The following PRDM1 variants were observed in gnomAD, a reference collection of about 807,000 sequenced individuals.
PRDM1 encodes the protein PR/SET domain 1, also known as PR domain zinc finger protein 1.
A neutral mutation model predicts 62.8 loss-of-function variants in PRDM1; 13 were observed. The ratio of observed to expected loss-of-function variants is 0.21; its 90% CI spans 0.13 to 0.33. The LOEUF (loss-of-function observed/expected upper bound fraction) is 0.33. PRDM1 is among the 10% of genes least tolerant of loss of function. PRDM1 has a pLI of 1.00. For missense variants in PRDM1, 895 were observed against 1,058.8 expected, an observed-to-expected ratio of 0.85 and a Z score of 2.15; for synonymous variants, 396 against 417.6, an observed-to-expected ratio of 0.95 and a Z score of 0.63.
intron 1 of PRDM1, among the ~76,000 whole-genome samples, chr6:106,051,606 G>A (rs1383135629): frequency 6.6e-6 from 1 of 152,188 alleles, no homozygotes; most frequent in Admixed American, 6.5e-5. Flanking sequence ...GTGCCGCAAA[G>A]GATTGCTTAG....
chr6:106,007,315 A>G (rs930397959), intron 1 of PRDM1, among the ~76,000 whole-genome samples: 1 of 151,906 alleles, frequency 6.6e-6, no homozygotes, highest in Non-Finnish European at 1.5e-5. Context: ...CTGTAATCCC[A>G]GCTACTCAGG....
intron 1 of PRDM1, among the ~76,000 whole-genome samples, chr6:106,052,490 G>A (rs1036691518): frequency 2.0e-5 from 3 of 151,994 alleles, no homozygotes; most frequent in East Asian, 3.8e-4. Context: ...CTATCAACTT[G>A]CTGTTAATAA....
intron 1 of PRDM1, among the ~76,000 whole-genome samples, chr6:106,027,770 A>G (rs1362917413): frequency 6.6e-6 from 1 of 152,180 alleles, no homozygotes; most frequent in East Asian, 1.9e-4. Flanking sequence ...ATGAGGGGCA[A>G]AAACCCTCTG....
chr6:106,027,592 G>C (rs1772783253), intron 1 of PRDM1, among the ~76,000 whole-genome samples: 1 of 151,806 alleles, frequency 6.6e-6, no homozygotes, highest in Admixed American at 6.6e-5. Context: ...GAGTTGTAAA[G>C]TACAGACTGC....
At chr6:106,016,797 GCCA>G (rs1400912734) in intron 1 of PRDM1, among the ~76,000 whole-genome samples, 1 of 151,874 alleles carries the variant, frequency 6.6e-6, no homozygotes, top group African/African-American at 2.4e-5. Context: ...ACAGGTGTGC[GCCA>G]CCATGCCCAT....
At chr6:106,050,506 GA>G (rs1414888338) in intron 1 of PRDM1, among the ~76,000 whole-genome samples, 3 of 152,148 alleles carry the variant, frequency 2.0e-5, no homozygotes, top group Admixed American at 6.5e-5. Context: ...AAAGTATTGA[GA>G]TTTTTTTAAC....
upstream of PRDM1, among the ~76,000 whole-genome samples, chr6:106,083,019 A>G (rs894007549): frequency 1.3e-5 from 2 of 152,112 alleles, no homozygotes; most frequent in Non-Finnish European, 2.9e-5. Context: ...CAGAAGGCCA[A>G]GCCCAGTGAT....
intron 3 of PRDM1, chr6:106,099,068 A>G: frequency 1.2e-6 from 2 of 1,614,126 alleles, no homozygotes; most frequent in Non-Finnish European, 1.7e-6. Flanking sequence ...CCGAACATGA[A>G]AAGACGATAA....
chr6:106,039,450 A>G (rs1772963630), intron 1 of PRDM1, among the ~76,000 whole-genome samples: 1 of 152,222 alleles, frequency 6.6e-6, no homozygotes, highest in Non-Finnish European at 1.5e-5. Context: ...ATAATTCAAC[A>G]CATTGATGAT....
chr6:106,054,499 G>A (rs919161192), intron 1 of PRDM1, among the ~76,000 whole-genome samples: 18 of 152,030 alleles, frequency 1.2e-4, no homozygotes, highest in Non-Finnish European at 2.2e-4. Flanking sequence ...AATATGTCAA[G>A]TATTCTAAAG....
chr6:106,059,133 G>T (rs920067481), intron 1 of PRDM1, among the ~76,000 whole-genome samples: 7 of 152,016 alleles, frequency 4.6e-5, no homozygotes, highest in African/African-American at 1.4e-4. Context: ...CCCCAATAGG[G>T]GTTACATTCT....
intron 1 of PRDM1, among the ~76,000 whole-genome samples, chr6:106,015,120 C>T (rs929545315): frequency 1.4e-4 from 21 of 152,102 alleles, no homozygotes; most frequent in Non-Finnish European, 2.2e-4. Context: ...GGGGAGGTTG[C>T]GTTTCTTCCT....
Position 106,051,447 on chromosome 6 carries a change from C to T in PRDM1, c.-67+2733C>T, listed in dbSNP as rs577806011. Among the ~76,000 whole-genome samples the T allele has an allele frequency of 3.3e-5, 5 of 152,302 alleles. No individual in the cohort carries two copies. The South Asian group carries it at 6.2e-4, about 19-fold the overall frequency. On this transcript the variant is annotated intron_variant, in intron 1 of 6. Coordinates refer to the PRDM1 transcript ENST00000651185. The stretch of plus-strand genomic sequence containing the variant: ...CTCTTCAAACAGGAAGGGAAGGAAT[C>T]ATGTTACTTAAACTGCTATTTTCAC...
At chr6:106,023,473 CA>C (rs11300481) in intron 1 of PRDM1, among the ~76,000 whole-genome samples, 136,370 of 149,640 alleles carry the variant, frequency 0.91, 62,047 homozygotes, top group African/African-American at 0.96. Context: ...GACTCTGTCT[CA>C]AAAAAAAAAA....
rs568515016 is a variant in PRDM1 at position 106,038,168 on chromosome 6, A to G, written c.-67+44529A>G. ...CCCAGGTAATTTTTCTATTTTTAGTAGACACAGGATTTCACAATGTTGGCC... is the reference window on the plus strand; with the variant it reads ...CCCAGGTAATTTTTCTATTTTTAGTGGACACAGGATTTCACAATGTTGGCC... On this transcript the variant is annotated intron_variant, in intron 1 of 6. Transcript: ENST00000652320. Among the ~76,000 whole-genome samples the G allele has an allele frequency of 1.8e-3, 273 of 151,656 alleles. 2 individuals carry two copies. The highest frequency in any genetic ancestry group is 6.4e-3 in the African/African-American group (263 of 41,354).
rs1774626747 is a variant in PRDM1, at chr6:106,109,555, T to TATC, written c.*2071_*2073dup. 4.3e-6 allele frequency: 1 copy of TATC among 233,584 alleles called. No homozygotes were observed. The highest frequency in any genetic ancestry group is 8.5e-6 in the Non-Finnish European group (1 of 118,000). 14.5% of individuals were successfully genotyped at this position (233,584 alleles called of 1,614,324 possible). A position where few individuals can be genotyped will look rare whatever the true frequency, so the allele number is the denominator to read the frequency against. On this transcript the variant is annotated 3_prime_UTR_variant, in exon 7 of 7. Coordinates refer to ENST00000369096, the MANE Select transcript of PRDM1 (RefSeq NM_001198.4). ...CTTCCAAGACTGACAGCTTTTTATG[T>TATC]ATCAGTGTTTGATAAACACAGTCCT... is the stretch of plus-strand genomic sequence containing the variant.
At chr6:106,026,708 C>G (rs938795047) in intron 1 of PRDM1, among the ~76,000 whole-genome samples, 1 of 152,080 alleles carries the variant, frequency 6.6e-6, no homozygotes, top group Admixed American at 6.6e-5. Context: ...ATATGCAGGT[C>G]TTTATTTTTC....
intron 1 of PRDM1, among the ~76,000 whole-genome samples, chr6:106,038,204 C>T (rs147736218): frequency 2.6e-5 from 4 of 151,764 alleles, no homozygotes; most frequent in African/African-American, 9.7e-5. Context: ...AGGCTGGTTT[C>T]GAACTACTGA....
intron 1 of PRDM1, among the ~76,000 whole-genome samples, chr6:106,029,074 C>G (rs529044136): frequency 3.9e-4 from 59 of 152,194 alleles, no homozygotes; most frequent in African/African-American, 1.3e-3. Context: ...GCGCACGCCA[C>G]CATGCCCAGC....
Sources: gnomAD v4.1 joint callset for allele counts (sites outside exome capture counted in the v4.1 genomes callset) on GRCh38, gnomAD v4.1.1 for gene constraint, MANE v1.5 for transcripts, NCBI Gene and HGNC (gene_info 2026-07-23, HGNC 2026-07-21) for gene names.